AJAP1: variants seen among roughly 807,000 people sequenced by gnomAD.
The protein encoded by AJAP1 is adherens junctions associated protein 1, also known as adherens junction-associated protein 1.
A neutral mutation model predicts 35.0 loss-of-function variants in AJAP1; 5 were observed. That is an observed-to-expected ratio of 0.14 (90% CI 0.07 to 0.30). The LOEUF (loss-of-function observed/expected upper bound fraction) is 0.30. Ranked by LOEUF, AJAP1 falls within the 10% of genes least tolerant of loss-of-function variation. The pLI is 1.00. For synonymous variants in AJAP1, 284 were observed against 249.3 expected (o/e 1.14, Z -1.31); for missense variants, 586 against 571.0 (o/e 1.03, Z -0.27).
chr1:4,771,479 G>A (rs1641835239), intron 3 of AJAP1, among the ~76,000 whole-genome samples: 1 of 152,190 alleles, frequency 6.6e-6, no homozygotes, highest in Non-Finnish European at 1.5e-5. Context: ...CCCAATGCGG[G>A]GAGACGTCCT....
chr1:4,694,075 C>A (rs1570120266), intron 1 of AJAP1, among the ~76,000 whole-genome samples: 1 of 152,200 alleles, frequency 6.6e-6, no homozygotes, highest in Middle Eastern at 3.2e-3. Context: ...GCCCAGCACA[C>A]CCCCAGGGCT....
chr1:4,697,416 T>C (rs187574261), intron 1 of AJAP1, among the ~76,000 whole-genome samples: 4 of 152,376 alleles, frequency 2.6e-5, no homozygotes, highest in South Asian at 2.1e-4. Context: ...CAGTGGTTAC[T>C]GTAGGTAATG....
chr1:4,686,465 A>G (rs140678365), intron 1 of AJAP1, among the ~76,000 whole-genome samples: 7 of 152,334 alleles, frequency 4.6e-5, no homozygotes, highest in African/African-American at 1.7e-4. Context: ...TTGGGCTCCC[A>G]GAATAACCCC....
At chr1:4,742,756 G>A (rs903168970) in intron 2 of AJAP1, among the ~76,000 whole-genome samples, 4 of 152,136 alleles carry the variant, frequency 2.6e-5, no homozygotes, top group African/African-American at 4.8e-5. Flanking sequence ...AAACACAACC[G>A]TTCCCCCACC....
rs1640919986 is a variant in AJAP1, at chr1:4,736,231, A to G, written c.829+23532A>G. On this transcript the variant is annotated intron_variant, in intron 2 of 5. Transcript: ENST00000378191. ...TCAGTTCTCCTAAACCACAGCTCTG[A>G]TGTTGCCCCTCGCCTGCTCAAGAAC... 2.6e-5 allele frequency among the ~76,000 whole-genome samples: 4 copies of G among 152,214 alleles called. No homozygotes were observed. In the South Asian group the frequency reaches 8.3e-4, roughly 32 times the overall value.
At chr1:4,703,046 G>A (rs897229715) in intron 1 of AJAP1, among the ~76,000 whole-genome samples, 1 of 152,144 alleles carries the variant, frequency 6.6e-6, no homozygotes, top group African/African-American at 2.4e-5. Flanking sequence ...TCGCATGCGC[G>A]CTGGACGTGT....
rs925049083 is a variant in AJAP1 at position 4,724,306 on chromosome 1, T to C, written c.829+11607T>C. 2.0e-5 allele frequency among the ~76,000 whole-genome samples: 3 copies of C among 151,926 alleles called. No individual in the cohort carries two copies. The South Asian group carries it at 6.2e-4, about 32-fold the overall frequency. On this transcript the variant is annotated intron_variant, in intron 2 of 5. Coordinates refer to ENST00000378191, the MANE Select transcript of AJAP1 (RefSeq NM_018836.4). ...ATGAGAGGAGGTGGCCAAGGGAGGA[T>C]TTCTGTCCCCTCTGGCCTTGGCGGC...
chr1:4,721,068 A>G (rs898967648), intron 2 of AJAP1, among the ~76,000 whole-genome samples: 2 of 152,198 alleles, frequency 1.3e-5, no homozygotes, highest in African/African-American at 4.8e-5. Flanking sequence ...AGCACTTTAC[A>G]GTTGCACACG....
chr1:4,666,869 C>A (rs1420467885), intron 1 of AJAP1, among the ~76,000 whole-genome samples: 2 of 147,376 alleles, frequency 1.4e-5, no homozygotes, highest in Non-Finnish European at 3.0e-5. Context: ...CAGGAGGGTG[C>A]AGAGAGGGGC....
chr1:4,700,252 C>A (rs72638818), intron 1 of AJAP1, among the ~76,000 whole-genome samples: 13,285 of 152,146 alleles, frequency 0.087, 648 homozygotes, highest in African/African-American at 0.11. Flanking sequence ...GTTGAAATGG[C>A]CATAAAGTAG....
chr1:4,754,853 C>G (rs911184303), intron 2 of AJAP1, among the ~76,000 whole-genome samples: 1 of 142,072 alleles, frequency 7.0e-6, no homozygotes, highest in Non-Finnish European at 1.6e-5. Context: ...CCTTCCTGCT[C>G]TCCCCTCATC....
chr1:4,754,406 G>C (rs1641382362), intron 2 of AJAP1, among the ~76,000 whole-genome samples: 1 of 152,190 alleles, frequency 6.6e-6, no homozygotes, highest in Non-Finnish European at 1.5e-5. Context: ...AGTTTCTCCT[G>C]TAGCAGAGAC....
At chr1:4,700,099 C>T (rs556766920) in intron 1 of AJAP1, among the ~76,000 whole-genome samples, 14 of 152,174 alleles carry the variant, frequency 9.2e-5, no homozygotes, top group African/African-American at 2.4e-4. Flanking sequence ...GCTGAGGCCC[C>T]GAGCTCCGGA....
chr1:4,709,075 A>G (rs1379450512), intron 1 of AJAP1, among the ~76,000 whole-genome samples: 1 of 152,248 alleles, frequency 6.6e-6, no homozygotes, highest in African/African-American at 2.4e-5. Flanking sequence ...AATCACAGAA[A>G]TATCCTGTGT....
At chr1:4,755,484 C>T (rs747422713) in intron 2 of AJAP1, among the ~76,000 whole-genome samples, 3 of 152,206 alleles carry the variant, frequency 2.0e-5, no homozygotes, top group African/African-American at 2.4e-5. Flanking sequence ...TGCCTGGCCA[C>T]GGGGCTCTGT....
chr1:4,718,786 A>G (rs1640453298), intron 2 of AJAP1, among the ~76,000 whole-genome samples: 2 of 152,178 alleles, frequency 1.3e-5, no homozygotes, highest in Non-Finnish European at 2.9e-5. Context: ...CGGCCTCCTA[A>G]GGCACTTTCT....
intron 1 of AJAP1, among the ~76,000 whole-genome samples, chr1:4,709,939 A>T (rs753788425): frequency 2.0e-5 from 3 of 152,158 alleles, no homozygotes; most frequent in African/African-American, 4.8e-5. Flanking sequence ...TGTTCCCCAG[A>T]TATCTGGGAG....
rs1642082531 is a variant in AJAP1 at position 4,782,502 on chromosome 1, G to A, written c.*60-43G>A. 1 of 347,508 alleles carries A rather than the reference G, an allele frequency of 2.9e-6. No homozygotes were observed. Among genetic ancestry groups the A allele is most frequent in the Non-Finnish European group, 5.2e-6 (1 of 194,082 alleles). The allele number at this position is 347,508 out of a possible 1,614,324, so 21.5% of individuals were successfully genotyped here. On this transcript the variant is annotated intron_variant, in intron 5 of 5. Transcript: ENST00000378191. The surrounding 1 kb of genome is among the most constrained non-coding windows in gnomAD (Gnocchi z 5.3). ...AACCCCACAGACTTGTCGCGCCCTC[G>A]GCGTGCTGCCATTTAATCTCTTCTT... is the stretch of plus-strand genomic sequence containing the variant.
At chr1:4,661,095 T>G (rs1403520830) in intron 1 of AJAP1, among the ~76,000 whole-genome samples, 1 of 152,218 alleles carries the variant, frequency 6.6e-6, no homozygotes, top group Non-Finnish European at 1.5e-5. Flanking sequence ...TTTGCTCTTA[T>G]CACCTCATTT....
Sources: gnomAD v4.1 joint callset for allele counts (sites outside exome capture counted in the v4.1 genomes callset) on GRCh38, gnomAD v4.1.1 for gene constraint, Gnocchi (gnomAD v3.1) non-coding constraint, MANE v1.5 for transcripts, NCBI Gene and HGNC (gene_info 2026-07-23, HGNC 2026-07-21) for gene names.